RAB27B: variants seen among roughly 807,000 people sequenced by gnomAD.
RAB27B encodes ras-related protein Rab-27B.
Under a neutral mutation model 24.6 loss-of-function variants are expected in RAB27B, and 15 were observed. That is an observed-to-expected ratio of 0.61 (90% CI 0.41 to 0.94). The LOEUF is 0.94. RAB27B is among the 40% of genes least tolerant of loss of function. The pLI, the probability that RAB27B is intolerant of heterozygous loss-of-function variation, is 0.00. For synonymous variants in RAB27B, 105 were observed against 92.5 expected (o/e 1.14, Z -0.78); for missense variants, 261 against 266.8 (o/e 0.98, Z 0.15).
chr18:54,874,732 A>G (rs762973998), intron 1 of RAB27B, among the ~76,000 whole-genome samples: 1 of 152,230 alleles, frequency 6.6e-6, no homozygotes, highest in Non-Finnish European at 1.5e-5. Flanking sequence ...CTAGGGAAGA[A>G]TTTGGCTTTA....
chr18:54,788,461 C>T (rs1909156082), intron 2 of RAB27B, among the ~76,000 whole-genome samples: 1 of 152,138 alleles, frequency 6.6e-6, no homozygotes, highest in Non-Finnish European at 1.5e-5. Context: ...TGACACCACA[C>T]CCAGCTAATT....
chr18:54,831,958 T>C (rs1219660251), intron 1 of RAB27B, among the ~76,000 whole-genome samples: 1 of 152,176 alleles, frequency 6.6e-6, no homozygotes, highest in Non-Finnish European at 1.5e-5. Context: ...CTATTTTTAG[T>C]TGAGACGGGG....
chr18:54,868,207 G>A (rs948841282), intron 1 of RAB27B, among the ~76,000 whole-genome samples: 7 of 152,166 alleles, frequency 4.6e-5, no homozygotes, highest in African/African-American at 1.7e-4. Context: ...CTACTAAAGT[G>A]TGATGTTCTA....
At chr18:54,844,935 A>G (rs1261927698) in intron 1 of RAB27B, among the ~76,000 whole-genome samples, 2 of 152,162 alleles carry the variant, frequency 1.3e-5, no homozygotes, top group Non-Finnish European at 2.9e-5. Flanking sequence ...GGTTTAATAA[A>G]GTTTTTCATC....
intron 1 of RAB27B, among the ~76,000 whole-genome samples, chr18:54,833,248 T>TTTTTTTG (rs1891360676): frequency 1.3e-5 from 2 of 149,596 alleles, no homozygotes; most frequent in African/African-American, 2.5e-5. Flanking sequence ...TTTTTTTTTT[T>TTTTTTTG]GAGATGGAGT....
intron 1 of RAB27B, among the ~76,000 whole-genome samples, chr18:54,869,578 A>G (rs1039738095): frequency 6.6e-6 from 1 of 152,222 alleles, no homozygotes. Flanking sequence ...CATGGACAGC[A>G]GAATTGTGGG....
At chr18:54,744,890 TC>T in intron 2 of RAB27B, 1 of 216,390 alleles carries the variant, frequency 4.6e-6, no homozygotes, top group Non-Finnish European at 9.8e-6. Context: ...GGCATCTGCA[TC>T]CTAAATCTGA....
chr18:54,759,983 A>T (rs1908131927), intron 2 of RAB27B, among the ~76,000 whole-genome samples: 1 of 152,204 alleles, frequency 6.6e-6, no homozygotes, highest in Non-Finnish European at 1.5e-5. Context: ...CTTCCTGGAC[A>T]CCAAACAAGA....
chr18:54,828,433 C>G (rs975537499), upstream of RAB27B: 5 of 152,310 alleles, frequency 3.3e-5, no homozygotes, highest in African/African-American at 1.2e-4. Context: ...TTACCCAGCC[C>G]CGCCGCCGCG....
chr18:54,736,471 TAA>T (rs11326053), intron 2 of RAB27B, among the ~76,000 whole-genome samples: 4 of 147,998 alleles, frequency 2.7e-5, no homozygotes, highest in African/African-American at 9.9e-5. Context: ...CTTCATTTAG[TAA>T]AAAAAAAAGG....
rs371061275 is a variant in RAB27B at position 54,726,377 on chromosome 18, T to G, written c.-20+8236T>G. ...CATCTCACACTGAAGTATGACATCATTTTTGCTTGTTTTCAGGTTTCCAAA... is the reference window on the plus strand; with the variant it reads ...CATCTCACACTGAAGTATGACATCAGTTTTGCTTGTTTTCAGGTTTCCAAA... On this transcript the variant is annotated intron_variant, in intron 2 of 4. Coordinates refer to the RAB27B transcript ENST00000586570. 1.5e-3 allele frequency among the ~76,000 whole-genome samples: 222 copies of G among 151,664 alleles called. 11 individuals are homozygous for G. The South Asian group carries it at 0.042, about 29-fold the overall frequency.
At chr18:54,875,382 T>C (rs1325302686) in intron 1 of RAB27B, among the ~76,000 whole-genome samples, 2 of 152,178 alleles carry the variant, frequency 1.3e-5, no homozygotes, top group Non-Finnish European at 2.9e-5. Context: ...TTCTTGGCAG[T>C]CACACAAAAT....
chr18:54,833,703 G>C (rs998750093), intron 1 of RAB27B, among the ~76,000 whole-genome samples: 1 of 152,204 alleles, frequency 6.6e-6, no homozygotes, highest in Non-Finnish European at 1.5e-5. Context: ...TGAGGAAAGG[G>C]CATTTCAGTT....
chr18:54,872,617 C>T (rs1912519853), intron 1 of RAB27B, among the ~76,000 whole-genome samples: 1 of 133,676 alleles, frequency 7.5e-6, no homozygotes, highest in Non-Finnish European at 1.6e-5. Flanking sequence ...AAGAGTGAAA[C>T]TCTGCCTTAA....
In RAB27B at chr18:54,818,764, A is replaced by G. The variant is rs925605255; in HGVS notation, c.-19-58803A>G. The stretch of plus-strand genomic sequence containing the variant: ...TAACAACGTGACTAGTGTTCACCAC[A>G]TTTTACAGGTAGAGAAATGCAAGAA... On this transcript the variant is annotated intron_variant, in intron 2 of 4. Transcript: ENST00000586570. 5.3e-5 allele frequency among the ~76,000 whole-genome samples: 8 copies of G among 152,302 alleles called. No individual in the cohort carries two copies. In the South Asian group the frequency reaches 1.7e-3, roughly 32 times the overall value.
intron 2 of RAB27B, among the ~76,000 whole-genome samples, chr18:54,803,790 G>A (rs1909683771): frequency 6.6e-6 from 1 of 152,114 alleles, no homozygotes; most frequent in South Asian, 2.1e-4. Flanking sequence ...GGGGGATGAT[G>A]GAACCACTCA....
chr18:54,736,137 T>A (rs1451855018), intron 2 of RAB27B, among the ~76,000 whole-genome samples: 1 of 152,150 alleles, frequency 6.6e-6, no homozygotes. Context: ...CTGATAAAAC[T>A]GAGTAGGGTC....
At chr18:54,737,651 C>G (rs1048257521) in intron 2 of RAB27B, among the ~76,000 whole-genome samples, 6 of 151,860 alleles carry the variant, frequency 4.0e-5, no homozygotes, top group East Asian at 3.9e-4. Context: ...AAGAGAGATG[C>G]TCAATACATG....
At position 54,767,069 on chromosome 18, in the gene RAB27B, A is replaced by G. The variant is rs568358044; in HGVS notation, c.-20+48928A>G. On this transcript the variant is annotated intron_variant, in intron 2 of 4. Transcript: ENST00000586570. ...GATCACAAATTTGAGTTCTAAACACATAGGGAAGAAGGTGGGGAAACTTTA... is the reference window on the plus strand; with the variant it reads ...GATCACAAATTTGAGTTCTAAACACGTAGGGAAGAAGGTGGGGAAACTTTA... Among the ~76,000 whole-genome samples the G allele has an allele frequency of 1.1e-4, 16 of 152,280 alleles. No homozygotes were observed. In the South Asian group the frequency reaches 2.7e-3, roughly 26 times the overall value.
Sources: gnomAD v4.1 joint callset for allele counts (sites outside exome capture counted in the v4.1 genomes callset) on GRCh38, gnomAD v4.1.1 for gene constraint, MANE v1.5 for transcripts, NCBI Gene and HGNC (gene_info 2026-07-23, HGNC 2026-07-21) for gene names.